ITPRID1: variants seen among roughly 807,000 people sequenced by gnomAD.
ITPRID1 encodes ITPR interacting domain containing 1.
ITPRID1 carries 96 observed loss-of-function variants against 95.4 expected under a neutral mutation model. That is an observed-to-expected ratio of 1.01 (90% CI 0.85 to 1.19). ITPRID1 has a LOEUF of 1.19. ITPRID1 is among the 50% of genes most tolerant of loss of function. The pLI is 0.00. For synonymous variants in ITPRID1, 510 were observed against 453.6 expected (o/e 1.12, Z -1.58); for missense variants, 1,339 against 1,252.9 (o/e 1.07, Z -1.04).
chr7:31,549,757 T>C (rs1021949514), intron 2 of ITPRID1, among the ~76,000 whole-genome samples: 2 of 152,156 alleles, frequency 1.3e-5, no homozygotes, highest in South Asian at 4.1e-4. Flanking sequence ...AAGCAATTAC[T>C]AATAAAGATT....
intron 1 of ITPRID1, among the ~76,000 whole-genome samples, chr7:31,528,468 C>G (rs772534215): frequency 6.6e-6 from 1 of 152,172 alleles, no homozygotes; most frequent in Non-Finnish European, 1.5e-5. Context: ...GTGGTCTTCT[C>G]AGGGCTGAGT....
intron 5 of ITPRID1, among the ~76,000 whole-genome samples, chr7:31,562,969 T>G (rs1750055534): frequency 6.6e-6 from 1 of 152,192 alleles, no homozygotes; most frequent in East Asian, 1.9e-4. Flanking sequence ...TCTTGGCCAG[T>G]GCTGCCTCAA....
chr7:31,629,870 G>A (rs904447922), intron 10 of ITPRID1, among the ~76,000 whole-genome samples: 1 of 152,288 alleles, frequency 6.6e-6, no homozygotes, highest in South Asian at 2.1e-4. Context: ...ATGTACACCA[G>A]CGTACTGAAT....
intron 10 of ITPRID1, among the ~76,000 whole-genome samples, chr7:31,603,016 T>C (rs1184904472): frequency 6.6e-6 from 1 of 152,020 alleles, no homozygotes; most frequent in Non-Finnish European, 1.5e-5. Context: ...CCAGATACTG[T>C]TTCTGGCTGC....
intron 10 of ITPRID1, among the ~76,000 whole-genome samples, chr7:31,628,024 G>A: frequency 6.6e-6 from 1 of 152,206 alleles, no homozygotes; most frequent in Non-Finnish European, 1.5e-5. Context: ...AGGTTAATAA[G>A]AGCAGAAAGT....
At chr7:31,549,690 C>T (rs1235156964) in intron 2 of ITPRID1, among the ~76,000 whole-genome samples, 191 bp downstream of exon 2, 1 of 152,202 alleles carries the variant, frequency 6.6e-6, no homozygotes, top group East Asian at 1.9e-4. Flanking sequence ...CTCTTTTAAC[C>T]AGACAAGAAC....
chr7:31,535,008 T>A (rs1783714464), intron 1 of ITPRID1, among the ~76,000 whole-genome samples: 1 of 152,172 alleles, frequency 6.6e-6, no homozygotes, highest in Non-Finnish European at 1.5e-5. Context: ...GATGGAAACA[T>A]TCCAGTCTGC....
intron 10 of ITPRID1, among the ~76,000 whole-genome samples, chr7:31,590,543 G>A (rs1039244845): frequency 1.3e-5 from 2 of 152,098 alleles, no homozygotes; most frequent in Non-Finnish European, 2.9e-5. Context: ...AGTTTTCTAA[G>A]GAATTTGTAG....
At chr7:31,531,459 T>C (rs1583465442) in intron 1 of ITPRID1, among the ~76,000 whole-genome samples, 1 of 152,330 alleles carries the variant, frequency 6.6e-6, no homozygotes, top group East Asian at 1.9e-4. Flanking sequence ...CTTTCTAATT[T>C]GGTTTTGAGG....
At chr7:31,525,217 G>A (rs982126128) in intron 1 of ITPRID1, among the ~76,000 whole-genome samples, 2 of 152,218 alleles carry the variant, frequency 1.3e-5, no homozygotes, top group African/African-American at 4.8e-5. Flanking sequence ...CAATGGCATA[G>A]GTAGCAAGTG....
At chr7:31,601,191 A>G (rs1786380284) in intron 10 of ITPRID1, among the ~76,000 whole-genome samples, 1 of 152,242 alleles carries the variant, frequency 6.6e-6, no homozygotes, top group South Asian at 2.1e-4. Context: ...ATAGATAAAT[A>G]GAAAGCTGCT....
intron 1 of ITPRID1, among the ~76,000 whole-genome samples, chr7:31,533,913 A>G (rs117448083): frequency 0.014 from 2,154 of 152,236 alleles, 26 homozygotes; most frequent in Non-Finnish European, 0.019. Context: ...GTGGACTAGT[A>G]TTAGTCCCTG....
At chr7:31,543,750 G>C (rs1385039248) in intron 1 of ITPRID1, among the ~76,000 whole-genome samples, 3 of 151,960 alleles carry the variant, frequency 2.0e-5, no homozygotes, top group Non-Finnish European at 4.4e-5. Context: ...ATTTTACAAA[G>C]CAGAAAGTTT....
rs376836408 is a variant in ITPRID1, at chr7:31,539,267, C to G, written c.-97-10159C>G. 3.9e-4 allele frequency among the ~76,000 whole-genome samples: 60 copies of G among 152,292 alleles called. 1 individual carries two copies. In the South Asian group the frequency reaches 0.012, roughly 30 times the overall value. ...TGGTGCCATCTTGGCTCACTGCAGC[C>G]TCAACCTTCCAGGCTCAAGTGATCC... is the stretch of plus-strand genomic sequence containing the variant. On this transcript the variant is annotated intron_variant, in intron 1 of 14. Transcript: ENST00000615280.
intron 10 of ITPRID1, among the ~76,000 whole-genome samples, chr7:31,603,687 G>A (rs1011790611): frequency 6.6e-6 from 1 of 152,064 alleles, no homozygotes; most frequent in Non-Finnish European, 1.5e-5. Context: ...TTGAATTCAA[G>A]GTCTTTCTTA....
intron 10 of ITPRID1, among the ~76,000 whole-genome samples, chr7:31,629,448 C>G (rs1788797536): frequency 6.6e-6 from 1 of 152,112 alleles, no homozygotes; most frequent in African/African-American, 2.4e-5. Context: ...GACAGAAACA[C>G]AGCTTGTAGG....
At chr7:31,521,350 A>G (rs1367083744) in intron 1 of ITPRID1, among the ~76,000 whole-genome samples, 1 of 152,074 alleles carries the variant, frequency 6.6e-6, no homozygotes, top group Non-Finnish European at 1.5e-5. Flanking sequence ...TAGTGCATTA[A>G]ATTTCTGAGT....
intron 10 of ITPRID1, among the ~76,000 whole-genome samples, chr7:31,610,943 C>A (rs1421459502): frequency 1.3e-5 from 2 of 151,310 alleles, no homozygotes; most frequent in Non-Finnish European, 1.5e-5. Context: ...AATGTTTAAT[C>A]TATTTAGATT....
chr7:31,584,536 C>CA (rs147257514), intron 10 of ITPRID1, among the ~76,000 whole-genome samples: 12,554 of 152,112 alleles, frequency 0.083, 639 homozygotes, highest in Middle Eastern at 0.13. Context: ...CCAATCATTC[C>CA]AAAAAATTAT....
Sources: allele counts gnomAD v4.1 joint callset (sites outside exome capture counted in the v4.1 genomes callset), GRCh38; gene constraint gnomAD v4.1.1; transcripts MANE v1.5; gene names NCBI Gene and HGNC (gene_info 2026-07-23, HGNC 2026-07-21).